The following MGAT5 variants were observed in gnomAD, a reference collection of about 807,000 sequenced individuals.
MGAT5 encodes the protein alpha-1,6-mannosylglycoprotein 6-beta-N-acetylglucosaminyltransferase A.
A neutral mutation model predicts 94.3 loss-of-function variants in MGAT5; 30 were observed. The ratio of observed to expected loss-of-function variants is 0.32; its 90% CI spans 0.24 to 0.43. The LOEUF (loss-of-function observed/expected upper bound fraction) is 0.43. Ranked by LOEUF, MGAT5 falls within the 20% of genes least tolerant of loss-of-function variation. The pLI, the probability that MGAT5 is intolerant of heterozygous loss-of-function variation, is 1.00. For synonymous variants in MGAT5, 310 were observed against 322.9 expected (o/e 0.96, Z 0.43); for missense variants, 691 against 905.5 (o/e 0.76, Z 3.04).
chr2:134,237,123 A>ATGTGTG (rs68003122), intron 1 of MGAT5, among the ~76,000 whole-genome samples: 240 of 140,716 alleles, frequency 1.7e-3, no homozygotes, highest in African/African-American at 4.9e-3. Context: ...GAAGGAGTAT[A>ATGTGTG]TGTGTGTGTG....
At chr2:134,223,547 A>G (rs890220710) in intron 1 of MGAT5, among the ~76,000 whole-genome samples, 1 of 152,332 alleles carries the variant, frequency 6.6e-6, no homozygotes, top group African/African-American at 2.4e-5. Flanking sequence ...GTGAAGAAAA[A>G]TTATAATCTG....
intron 10 of MGAT5, among the ~76,000 whole-genome samples, chr2:134,364,288 T>G (rs1680281057): frequency 6.6e-6 from 1 of 151,976 alleles, no homozygotes; most frequent in South Asian, 2.1e-4. Flanking sequence ...TCACCTGAGG[T>G]CAGGAGTTTG....
intron 8 of MGAT5, among the ~76,000 whole-genome samples, chr2:134,349,485 G>A (rs997327263): frequency 2.0e-5 from 3 of 152,246 alleles, no homozygotes; most frequent in Non-Finnish European, 4.4e-5. Context: ...AGGTGCTGGG[G>A]GTACAGCATT....
At chr2:134,193,073 G>A (rs1321816667) in intron 1 of MGAT5, among the ~76,000 whole-genome samples, 2 of 151,638 alleles carry the variant, frequency 1.3e-5, no homozygotes, top group African/African-American at 4.8e-5. Context: ...ACTTGGAAAA[G>A]TGATATTTTG....
At chr2:134,263,686 T>A (rs1056994504) in intron 1 of MGAT5, among the ~76,000 whole-genome samples, 8 of 152,190 alleles carry the variant, frequency 5.3e-5, no homozygotes, top group Admixed American at 5.2e-4. Context: ...TTGCCTTACA[T>A]GACTTTAGGG....
chr2:134,403,897 C>T (rs1045261280), intron 11 of MGAT5, among the ~76,000 whole-genome samples: 5 of 152,200 alleles, frequency 3.3e-5, no homozygotes, highest in Admixed American at 2.0e-4. Context: ...GATCATTTTG[C>T]TCAGCAGTAG....
At chr2:134,144,886 CCT>C (rs1217303932) in intron 1 of MGAT5, among the ~76,000 whole-genome samples, 8 of 152,236 alleles carry the variant, frequency 5.3e-5, no homozygotes, top group African/African-American at 1.9e-4. Flanking sequence ...AAACAGATGC[CCT>C]GTGTTCTGAC....
At chr2:134,408,964 A>C (rs1463042835) in intron 11 of MGAT5, among the ~76,000 whole-genome samples, 1 of 152,214 alleles carries the variant, frequency 6.6e-6, no homozygotes, top group Non-Finnish European at 1.5e-5. Flanking sequence ...TGTAAACCAT[A>C]TCATCTCTTA....
intron 2 of MGAT5, among the ~76,000 whole-genome samples, chr2:134,282,404 A>G (rs1684749929): frequency 6.6e-6 from 1 of 152,240 alleles, no homozygotes. Flanking sequence ...GTTGATGTGT[A>G]TAACTGAATA....
At chr2:134,393,045 T>C (rs533226924) in intron 10 of MGAT5, among the ~76,000 whole-genome samples, 1 of 152,382 alleles carries the variant, frequency 6.6e-6, no homozygotes, top group African/African-American at 2.4e-5. Flanking sequence ...TGTGAAAGAA[T>C]GTGCCTTCAC....
At chr2:134,417,814 CAAAT>C in intron 12 of MGAT5, among the ~76,000 whole-genome samples, 1 of 151,970 alleles carries the variant, frequency 6.6e-6, no homozygotes, top group Middle Eastern at 3.2e-3. Context: ...ACATACTATA[CAAAT>C]AAATACAGTA....
intron 1 of MGAT5, among the ~76,000 whole-genome samples, chr2:134,245,205 G>T (rs1251905410): frequency 6.6e-6 from 1 of 152,120 alleles, no homozygotes; most frequent in Non-Finnish European, 1.5e-5. Flanking sequence ...GGAGAGACGG[G>T]GTTTCACCGT....
chr2:134,401,771 G>A (rs1030963411), intron 10 of MGAT5, among the ~76,000 whole-genome samples: 2 of 152,172 alleles, frequency 1.3e-5, no homozygotes, highest in African/African-American at 4.8e-5. Context: ...CTTGCTCATT[G>A]CAAGCAAAGT....
In MGAT5 at chr2:134,207,682, G is replaced by A. The variant is rs1247119192; in HGVS notation, c.-142-46580G>A. ...GAGCTTAGTGGCAAATCCTGACCTTGGAAAGCCCTGCCTTACCAGGGGTCT... is the reference window on the plus strand; with the variant it reads ...GAGCTTAGTGGCAAATCCTGACCTTAGAAAGCCCTGCCTTACCAGGGGTCT... On this transcript the variant is annotated intron_variant, in intron 1 of 16. Transcript: ENST00000409645. Among the ~76,000 whole-genome samples the A allele has an allele frequency of 4.6e-5, 7 of 152,226 alleles. 1 individual carries two copies. Among genetic ancestry groups the A allele is most frequent in the African/African-American group, 1.7e-4 (7 of 41,534 alleles).
intron 2 of MGAT5, among the ~76,000 whole-genome samples, chr2:134,302,595 G>T (rs933040063): frequency 1.1e-4 from 16 of 151,986 alleles, no homozygotes; most frequent in Admixed American, 1.0e-3. Context: ...GGTCTGCTGG[G>T]GGTGAAATCT....
intron 1 of MGAT5, among the ~76,000 whole-genome samples, chr2:134,135,287 G>A (rs147032055): frequency 2.6e-4 from 39 of 152,264 alleles, no homozygotes; most frequent in African/African-American, 8.7e-4. Context: ...CAGGGGCTTT[G>A]GGACTGATAG....
intron 10 of MGAT5, among the ~76,000 whole-genome samples, chr2:134,370,175 A>G (rs1680695545): frequency 6.6e-6 from 1 of 152,244 alleles, no homozygotes; most frequent in African/African-American, 2.4e-5. Context: ...ATTTCATAGT[A>G]GGAATTAACT....
At chr2:134,334,777 T>C (rs546939653) in intron 4 of MGAT5, among the ~76,000 whole-genome samples, 1 of 152,230 alleles carries the variant, frequency 6.6e-6, no homozygotes, top group East Asian at 1.9e-4. Flanking sequence ...GCTGCAGATA[T>C]TGCCTTTCAT....
chr2:134,178,959 A>G (rs1688607294), intron 1 of MGAT5, among the ~76,000 whole-genome samples: 1 of 152,144 alleles, frequency 6.6e-6, no homozygotes, highest in African/African-American at 2.4e-5. Flanking sequence ...AGATTTCTGT[A>G]TTTGTGAATT....
Sources: allele counts gnomAD v4.1 joint callset (sites outside exome capture counted in the v4.1 genomes callset), GRCh38; gene constraint gnomAD v4.1.1; transcripts MANE v1.5; gene names NCBI Gene and HGNC (gene_info 2026-07-23, HGNC 2026-07-21).